CLIC5: variants seen among roughly 807,000 people sequenced by gnomAD.
The protein encoded by CLIC5 is CLIC family member 5, also known as chloride intracellular channel protein 5.
A neutral mutation model predicts 24.7 loss-of-function variants in CLIC5; 20 were observed. The observed-to-expected ratio is 0.81, with a 90% CI of 0.57 to 1.18. The LOEUF is 1.18. Ranked by LOEUF, CLIC5 falls within the 50% of genes most tolerant of loss-of-function variation. The pLI, the probability that CLIC5 is intolerant of heterozygous loss-of-function variation, is 0.00. For missense variants in CLIC5, 341 were observed against 326.1 expected (o/e 1.05, Z -0.35); for synonymous variants, 159 against 135.6 (o/e 1.17, Z -1.20).
chr6:45,995,464 C>T (rs983188747), intron 1 of CLIC5, among the ~76,000 whole-genome samples: 4 of 152,172 alleles, frequency 2.6e-5, no homozygotes, highest in South Asian at 2.1e-4. Context: ...GTGTGATCTG[C>T]TTTACGCAGG....
intron 4 of CLIC5, among the ~76,000 whole-genome samples, chr6:45,921,910 G>A (rs1396243474): frequency 1.3e-5 from 2 of 152,214 alleles, no homozygotes; most frequent in Non-Finnish European, 2.9e-5. Context: ...CAGAGAGGAG[G>A]ATGTTGTCAA....
the CLIC5 span, among the ~76,000 whole-genome samples, chr6:46,113,150 C>T: frequency 1.3e-3 from 197 of 152,168 alleles, no homozygotes; most frequent in African/African-American, 4.0e-3. Flanking sequence ...CTGGGAAATA[C>T]GCAACTACTC....
chr6:46,113,555 C>T, the CLIC5 span, among the ~76,000 whole-genome samples: 1 of 152,144 alleles, frequency 6.6e-6, no homozygotes, highest in African/African-American at 2.4e-5. Context: ...ATGACACCGG[C>T]CAGCAGGTGT....
intron 6 of CLIC5, among the ~76,000 whole-genome samples, chr6:45,885,332 C>T (rs563965424): frequency 3.9e-5 from 6 of 152,260 alleles, no homozygotes; most frequent in Admixed American, 2.0e-4. Context: ...ATACTGGCAC[C>T]CTCATCTTGA....
intron 1 of CLIC5, among the ~76,000 whole-genome samples, chr6:45,957,602 G>A (rs1205969860): frequency 4.6e-5 from 7 of 152,158 alleles, no homozygotes; most frequent in Non-Finnish European, 1.0e-4. Flanking sequence ...GGAGCATAGG[G>A]CATGGTATCC....
chr6:46,026,967 T>G (rs1226419917), intron 1 of CLIC5, among the ~76,000 whole-genome samples: 2 of 152,182 alleles, frequency 1.3e-5, no homozygotes, highest in Non-Finnish European at 2.9e-5. Context: ...TCATTTGTGA[T>G]TCCACTGAGA....
intron 5 of CLIC5, among the ~76,000 whole-genome samples, chr6:45,907,589 G>A (rs780651963): frequency 1.3e-5 from 2 of 152,144 alleles, no homozygotes; most frequent in Non-Finnish European, 2.9e-5. Context: ...AATAGTTTAA[G>A]TACGATTGGT....
At chr6:45,956,214 CA>C (rs1372900676) in intron 1 of CLIC5, among the ~76,000 whole-genome samples, 3 of 152,120 alleles carry the variant, frequency 2.0e-5, no homozygotes, top group South Asian at 2.1e-4. Context: ...TATGAACAAA[CA>C]AAAAAGGTTG....
chr6:46,033,130 A>C (rs996569275), intron 1 of CLIC5, among the ~76,000 whole-genome samples: 1 of 151,998 alleles, frequency 6.6e-6, no homozygotes, highest in Admixed American at 6.6e-5. Context: ...CTGGGACTAC[A>C]GGCATGTGCC....
the CLIC5 span, among the ~76,000 whole-genome samples, chr6:46,101,956 T>C: frequency 6.8e-6 from 1 of 146,730 alleles, no homozygotes; most frequent in Non-Finnish European, 1.5e-5. Flanking sequence ...TTCTAGAATA[T>C]TGAGAAAAAA....
the CLIC5 span, among the ~76,000 whole-genome samples, chr6:46,110,037 T>C: frequency 6.6e-6 from 1 of 152,160 alleles, no homozygotes; most frequent in Admixed American, 6.5e-5. Flanking sequence ...CTTGTGGCTC[T>C]GGAACGGGTC....
downstream of CLIC5, among the ~76,000 whole-genome samples, chr6:45,896,982 G>C (rs926779395): frequency 1.3e-5 from 2 of 152,168 alleles, no homozygotes; most frequent in African/African-American, 2.4e-5. Context: ...TGGGGTAAAA[G>C]AAAATCACCA....
chr6:45,954,817 G>A (rs938427474), intron 2 of CLIC5, among the ~76,000 whole-genome samples: 1 of 152,202 alleles, frequency 6.6e-6, no homozygotes, highest in Non-Finnish European at 1.5e-5. Flanking sequence ...TAGTACTACT[G>A]AAATGACTAA....
At chr6:45,929,392 G>A (rs539389744) in intron 4 of CLIC5, among the ~76,000 whole-genome samples, 1 of 152,340 alleles carries the variant, frequency 6.6e-6, no homozygotes, top group African/African-American at 2.4e-5. Context: ...ACATGCAAGT[G>A]CAGAGCCCAC....
chr6:46,107,222 T>C, the CLIC5 span, among the ~76,000 whole-genome samples: 1 of 152,230 alleles, frequency 6.6e-6, no homozygotes, highest in South Asian at 2.1e-4. Context: ...CTCTAATAGA[T>C]GTTTTAAAGT....
rs367947452 is a variant in CLIC5, at chr6:45,924,228, TC to T, written c.407-9820del. ...GACATGAACAGGGATATTCAGCTGT[TC>T]CTTTCATTCTGACTCTACAGCCAGA... On this transcript the variant is annotated intron_variant, in intron 4 of 5. Transcript: ENST00000339561. Among the ~76,000 whole-genome samples the T allele has an allele frequency of 2.6e-4, 39 of 152,316 alleles. No homozygotes were observed. The East Asian group carries it at 4.4e-3, about 17-fold the overall frequency.
At position 46,029,489 on chromosome 6, in the gene CLIC5, G is replaced by A. The variant is rs529885539; in HGVS notation, c.540+50214C>T. On this transcript the variant is annotated intron_variant, in intron 1 of 5. Coordinates refer to the CLIC5 transcript ENST00000185206. ...CCTGAACTAGAAAGTGGAAGAGCCA[G>A]GACTAGCCTCTGTGACTCTCCAATG... Among the ~76,000 whole-genome samples, 65 of 152,310 alleles carry A rather than the reference G, an allele frequency of 4.3e-4. 1 individual carries two copies. The highest frequency in any genetic ancestry group is 1.6e-3 in the African/African-American group (65 of 41,552).
At chr6:46,041,157 A>G (rs1323571399) in intron 1 of CLIC5, among the ~76,000 whole-genome samples, 1 of 152,238 alleles carries the variant, frequency 6.6e-6, no homozygotes, top group Non-Finnish European at 1.5e-5. Context: ...ACACAAAGCT[A>G]TGTGTTCAGA....
intron 1 of CLIC5, among the ~76,000 whole-genome samples, chr6:45,969,315 T>G (rs1765117634): frequency 6.6e-6 from 1 of 152,208 alleles, no homozygotes; most frequent in Admixed American, 6.5e-5. Context: ...TGACCACCTT[T>G]GCTAGCTGCT....
Sources: allele counts gnomAD v4.1 joint callset (sites outside exome capture counted in the v4.1 genomes callset), GRCh38; gene constraint gnomAD v4.1.1; transcripts MANE v1.5; gene names NCBI Gene and HGNC (gene_info 2026-07-23, HGNC 2026-07-21).